Variants in ACADM observed in about 807,000 individuals in gnomAD.
ACADM encodes the protein medium-chain specific acyl-CoA dehydrogenase, mitochondrial.
A neutral mutation model predicts 58.9 loss-of-function variants in ACADM; 49 were observed. That is an observed-to-expected ratio of 0.83 (90% CI 0.66 to 1.06). The LOEUF (loss-of-function observed/expected upper bound fraction) is 1.06. Among genes scored for constraint, ACADM ranks in the 50% least tolerant of loss-of-function variants. The pLI, the probability that ACADM is intolerant of heterozygous loss-of-function variation, is 0.00. For synonymous variants in ACADM, 160 were observed against 157.7 expected, an observed-to-expected ratio of 1.01 and a Z score of -0.11; for missense variants, 496 against 507.0, an observed-to-expected ratio of 0.98 and a Z score of 0.21.
At chr1:75,761,086 A>G (rs1439845682) in intron 10 of ACADM, 36 bp from the exon 11 acceptor site, 8 of 1,592,136 alleles carry the variant, frequency 5.0e-6, no homozygotes, top group Admixed American at 1.7e-5. Flanking sequence ...AGTTTTCTCA[A>G]TAAATATCCT....
intron 8 of ACADM, among the ~76,000 whole-genome samples, chr1:75,746,771 G>A (rs1299657354): frequency 1.3e-5 from 2 of 151,660 alleles, no homozygotes; most frequent in African/African-American, 4.8e-5. Context: ...GCTAATTTTT[G>A]TATTTTTTGT....
intron 4 of ACADM, 24 bp downstream of exon 4, chr1:75,732,946 T>C (rs1177733160): frequency 3.1e-6 from 5 of 1,613,144 alleles, no homozygotes; most frequent in Middle Eastern, 1.7e-4. Flanking sequence ...ATATTTTTAA[T>C]ACTGGAATGC....
rs561129947 is a variant in ACADM at position 75,754,123 on chromosome 1, C to T, written c.945+3577C>T. On this transcript the variant is annotated intron_variant, in intron 10 of 11. Coordinates refer to ENST00000370841, the MANE Select transcript of ACADM (RefSeq NM_000016.6). ...GTTTTTCATTTTTAATTGGTAGGTA[C>T]AGTGATATGACACTGTAATTCCTTG... Among the ~76,000 whole-genome samples the T allele has an allele frequency of 1.3e-4, 19 of 151,494 alleles. No homozygotes were observed. In the East Asian group the frequency reaches 3.7e-3, roughly 29 times the overall value.
chr1:75,759,795 G>A (rs1324088786), intron 10 of ACADM, among the ~76,000 whole-genome samples: 1 of 151,156 alleles, frequency 6.6e-6, no homozygotes, highest in Non-Finnish European at 1.5e-5. Flanking sequence ...CTGAGTAGCT[G>A]GTATTACAAG....
chr1:75,759,683 CAG>C (rs1648716602), intron 10 of ACADM, among the ~76,000 whole-genome samples: 7 of 79,296 alleles, frequency 8.8e-5, no homozygotes, highest in Admixed American at 1.6e-4. Context: ...TTTTTTGAGA[CAG>C]AGTTTTGCTT....
intron 9 of ACADM, 126 bp downstream of exon 9, chr1:75,749,685 A>T (rs1447895489): frequency 3.9e-6 from 3 of 778,706 alleles, no homozygotes; most frequent in Non-Finnish European, 6.0e-6. Flanking sequence ...TATTAAGGAT[A>T]TAGGAAAAAT....
chr1:75,733,712 A>G, intron 5 of ACADM, 84 bp downstream of exon 5: 4 of 1,149,212 alleles, frequency 3.5e-6, no homozygotes, highest in Non-Finnish European at 5.3e-6. Context: ...TTTTAGAAGA[A>G]AAAAAAAGGA....
chr1:75,744,509 C>G, intron 7 of ACADM: 1 of 1,531,126 alleles, frequency 6.5e-7, no homozygotes, highest in Non-Finnish European at 9.0e-7. Context: ...ACAGCTTTCT[C>G]CCACCTGACA....
At chr1:75,755,703 T>C (rs1256249561) in intron 10 of ACADM, among the ~76,000 whole-genome samples, 1 of 152,190 alleles carries the variant, frequency 6.6e-6, no homozygotes, top group Non-Finnish European at 1.5e-5. Context: ...CAAGAGTGCC[T>C]CTTCTCCTCC....
chr1:75,727,930 T>C (rs1460806617), intron 1 of ACADM, among the ~76,000 whole-genome samples: 1 of 152,104 alleles, frequency 6.6e-6, no homozygotes, highest in African/African-American at 2.4e-5. Flanking sequence ...AATGAGATCC[T>C]CTGAGGGGAA....
rs112634573 is a variant in ACADM, at chr1:75,748,084, C to T, written c.709-1335C>T. Among the ~76,000 whole-genome samples the T allele has an allele frequency of 6.3e-3, 955 of 152,204 alleles. 5 individuals are homozygous for T. The highest frequency in any genetic ancestry group is 9.4e-3 in the Admixed American group (143 of 15,278). On this transcript the variant is annotated intron_variant, in intron 8 of 11. Coordinates refer to ENST00000370841, the MANE Select transcript of ACADM (RefSeq NM_000016.6). ...GTTTCCATTGCTCCTGTTTCTTATT[C>T]TGCTTATTAAACATGAGATCAAGTT...
intron 9 of ACADM, among the ~76,000 whole-genome samples, chr1:75,750,060 T>G (rs1197647126): frequency 6.6e-6 from 1 of 152,174 alleles, no homozygotes. Context: ...GTTTTCTTAC[T>G]ATACATTATA....
chr1:75,732,696 A>G lies in ACADM; in HGVS notation c.171A>G (p.Arg57=), dbSNP rs1419381234. 6.2e-7 allele frequency: 1 copy of G among 1,613,974 alleles called. No homozygotes were observed. The highest frequency in any genetic ancestry group is 8.5e-7 in the Non-Finnish European group (1 of 1,179,970). The change falls in exon 3 of 12, where the codon AGA becomes AGG. Residue 57 remains arginine (R), a synonymous_variant. Coordinates refer to ENST00000370841, the MANE Select transcript of ACADM (RefSeq NM_000016.6). The part of the protein sequence containing the change: ...EFQATARKFA[R]EEIIPVAAEY... ...AAGCTACTGCTCGTAAATTTGCCAG[A>G]GAGGAAATCATCCCAGTGGCTGCAG...
At chr1:75,743,239 G>C (rs1428220574) in intron 7 of ACADM, among the ~76,000 whole-genome samples, 2 of 152,188 alleles carry the variant, frequency 1.3e-5, no homozygotes, top group Non-Finnish European at 1.5e-5. Flanking sequence ...GAGAGGGAGA[G>C]AGCCAGGCAG....
intron 9 of ACADM, 43 bp downstream of exon 9, chr1:75,749,602 ATTAC>A: frequency 2.6e-6 from 4 of 1,526,534 alleles, no homozygotes; most frequent in Middle Eastern, 1.9e-4. Context: ...TCTTTTATTT[ATTAC>A]ATTAAATAAG....
Position 75,750,436 on chromosome 1 carries a change from A to G in ACADM, c.850-15A>G, listed in dbSNP as rs1648136066. 3 of 1,594,090 alleles carry G rather than the reference A, an allele frequency of 1.9e-6. No homozygotes were observed. The highest frequency in any genetic ancestry group is 2.2e-5 in the East Asian group (1 of 44,720). On this transcript the variant is annotated splice_polypyrimidine_tract_variant and intron_variant, in intron 9 of 11. Coordinates refer to ENST00000370841, the MANE Select transcript of ACADM (RefSeq NM_000016.6). ...ATAACATGAACTTTTGCTTTATAAT[A>G]TCTTAAAATACTAGGTAGCTGCTGG...
At position 75,728,306 on chromosome 1, in the gene ACADM, A is replaced by G. The variant is rs148093443; in HGVS notation, c.31-95A>G. ...ACTTTAAAAACTATGAGTATGGTCA[A>G]ACCAGTTGCTGTACTCACTTATGAT... On this transcript the variant is annotated intron_variant, in intron 1 of 11. Transcript: ENST00000370841. 531 of 971,724 alleles carry G rather than the reference A, an allele frequency of 5.5e-4. 6 individuals are homozygous for G. The African/African-American group carries it at 8.2e-3, about 15-fold the overall frequency. 60.2% of individuals were successfully genotyped at this position (971,724 alleles called of 1,614,324 possible). A position where few individuals can be genotyped will look rare whatever the true frequency, so the allele number is the denominator to read the frequency against.
At chr1:75,738,622 A>G (rs1439125264) in intron 6 of ACADM, among the ~76,000 whole-genome samples, 4 of 152,148 alleles carry the variant, frequency 2.6e-5, no homozygotes, top group Non-Finnish European at 5.9e-5. Flanking sequence ...TTTTTAAAAA[A>G]TAAATTGACA....
chr1:75,734,408 C>A (rs1026320104), intron 5 of ACADM, among the ~76,000 whole-genome samples: 1 of 151,290 alleles, frequency 6.6e-6, no homozygotes, highest in Non-Finnish European at 1.5e-5. Flanking sequence ...ATCTCTTGAC[C>A]TCGTAATCCG....
Sources: allele counts gnomAD v4.1 joint callset (sites outside exome capture counted in the v4.1 genomes callset), GRCh38; gene constraint gnomAD v4.1.1; transcripts MANE v1.5; gene names NCBI Gene and HGNC (gene_info 2026-07-23, HGNC 2026-07-21).